Variants in KAZN observed in about 807,000 individuals in gnomAD.
KAZN encodes kazrin.
KAZN carries 40 observed loss-of-function variants against 87.4 expected under a neutral mutation model. The observed-to-expected ratio is 0.46, with a 90% CI of 0.36 to 0.60. KAZN has a LOEUF of 0.60. Among genes scored for constraint, KAZN ranks in the 20% least tolerant of loss-of-function variants. The pLI, the probability that KAZN is intolerant of heterozygous loss-of-function variation, is 0.00. For synonymous variants in KAZN, 466 were observed against 458.3 expected (o/e 1.02, Z -0.22); for missense variants, 898 against 1,073.9 (o/e 0.84, Z 2.29).
In KAZN at chr1:13,923,571, T is replaced by TCAA. The variant is rs1244132308; in HGVS notation, c.91+29816_91+29818dup. Among the ~76,000 whole-genome samples the TCAA allele has an allele frequency of 2.9e-4, 14 of 48,250 alleles. No homozygotes were observed. In the Admixed American group the frequency reaches 2.9e-3, roughly 10 times the overall value. The allele number at this position is 48,250 out of a possible 152,430, so 31.7% of individuals were successfully genotyped here. A position where few individuals can be genotyped will look rare whatever the true frequency, so the allele number is the denominator to read the frequency against. ...CTGGGTGACAGAGCGAGACTCCATC[T>TCAA]CAAAAAAAAAAAAAAAAAAAATATA... is the stretch of plus-strand genomic sequence containing the variant. On this transcript the variant is annotated intron_variant, in intron 1 of 16. Transcript: ENST00000636203.
intron 1 of KAZN, among the ~76,000 whole-genome samples, chr1:14,938,706 C>T (rs776888635): frequency 4.6e-5 from 7 of 152,130 alleles, no homozygotes; most frequent in Non-Finnish European, 1.0e-4. Context: ...CCGGGCTTTG[C>T]TCTCCCACTT....
chr1:14,617,785 A>T (rs1193988658), intron 1 of KAZN, among the ~76,000 whole-genome samples: 1 of 152,214 alleles, frequency 6.6e-6, no homozygotes, highest in Admixed American at 6.5e-5. Context: ...GCTAGTTAAA[A>T]TTGGAGTCTT....
intron 2 of KAZN, among the ~76,000 whole-genome samples, chr1:14,459,391 C>G (rs975484132): frequency 6.6e-6 from 1 of 151,542 alleles, no homozygotes; most frequent in African/African-American, 2.4e-5. Flanking sequence ...TAATGTGAGG[C>G]AGAAATTGTG....
At chr1:14,437,485 GCT>G (rs1428661629) in intron 2 of KAZN, among the ~76,000 whole-genome samples, 3 of 152,142 alleles carry the variant, frequency 2.0e-5, no homozygotes, top group East Asian at 1.9e-4. Flanking sequence ...CTTTGTTCTC[GCT>G]CTTTCTCACC....
intron 1 of KAZN, among the ~76,000 whole-genome samples, chr1:14,179,763 C>T (rs757590356): frequency 1.3e-5 from 2 of 152,088 alleles, no homozygotes; most frequent in Admixed American, 6.6e-5. Flanking sequence ...GGGGAGATGA[C>T]AGTAAGCAAA....
At chr1:14,454,489 C>T (rs1667456451) in intron 2 of KAZN, among the ~76,000 whole-genome samples, 1 of 152,206 alleles carries the variant, frequency 6.6e-6, no homozygotes, top group African/African-American at 2.4e-5. Context: ...AATTCCCCAC[C>T]TCTTCTGGAA....
At chr1:14,850,994 C>T (rs1649368090) in intron 1 of KAZN, among the ~76,000 whole-genome samples, 1 of 152,218 alleles carries the variant, frequency 6.6e-6, no homozygotes, top group South Asian at 2.1e-4. Flanking sequence ...CTCTGTCCTC[C>T]AGGCCCTGCA....
In KAZN at chr1:14,207,405, A is replaced by G. The variant is rs547483802; in HGVS notation, c.249+26813A>G. On this transcript the variant is annotated intron_variant, in intron 2 of 16. Coordinates refer to the KAZN transcript ENST00000636203. ...AACCCTTTTGCTGTAGTGATTCTGAATGTCCCCTCCCAACCCGAGCATCAT... is the reference window on the plus strand; with the variant it reads ...AACCCTTTTGCTGTAGTGATTCTGAGTGTCCCCTCCCAACCCGAGCATCAT... 1.2e-4 allele frequency among the ~76,000 whole-genome samples: 19 copies of G among 152,222 alleles called. 1 individual carries two copies. The South Asian group carries it at 3.7e-3, about 30-fold the overall frequency.
In KAZN at chr1:14,707,157, T is replaced by G. The variant is rs567445589; in HGVS notation, c.226+107934T>G. Among the ~76,000 whole-genome samples, 11 of 152,342 alleles carry G rather than the reference T, an allele frequency of 7.2e-5. No homozygotes were observed. The South Asian group carries it at 2.3e-3, about 32-fold the overall frequency. ...ATCAATGTGTAAAATGGATTTTCAG[T>G]ACAACTGAGGGTGCAAACTATGACG... On this transcript the variant is annotated intron_variant, in intron 1 of 14. Transcript: ENST00000376030.
At chr1:13,969,429 G>A (rs943075095) in intron 1 of KAZN, among the ~76,000 whole-genome samples, 1 of 152,198 alleles carries the variant, frequency 6.6e-6, no homozygotes, top group Non-Finnish European at 1.5e-5. Flanking sequence ...GCAGACTTTA[G>A]GATGATGCCT....
chr1:14,822,610 A>T (rs1479141691), intron 1 of KAZN, among the ~76,000 whole-genome samples: 1 of 152,204 alleles, frequency 6.6e-6, no homozygotes, highest in Non-Finnish European at 1.5e-5. Flanking sequence ...GTCTGTGCAC[A>T]AAACAGAAAA....
rs773982050 is a variant in KAZN at position 15,114,662 on chromosome 1, C to T, written c.*27C>T. On this transcript the variant is annotated 3_prime_UTR_variant, in exon 15 of 15. Transcript: ENST00000376030. ...GAACTGGTGGCTCCACCAGACCCAACGTGAGAGACCCAGGAAGGAAGAGAA... is the reference window on the plus strand; with the variant it reads ...GAACTGGTGGCTCCACCAGACCCAATGTGAGAGACCCAGGAAGGAAGAGAA... 24 of 1,558,886 alleles carry T rather than the reference C, an allele frequency of 1.5e-5. No individual in the cohort carries two copies. In the South Asian group the frequency reaches 2.0e-4, roughly 13 times the overall value.
At chr1:13,991,558 A>C (rs1009583994) in intron 1 of KAZN, among the ~76,000 whole-genome samples, 1 of 152,156 alleles carries the variant, frequency 6.6e-6, no homozygotes, top group African/African-American at 2.4e-5. Flanking sequence ...GGAGTGATGC[A>C]TTTTGAGTAT....
At chr1:14,757,721 G>A (rs1021612700) in intron 1 of KAZN, among the ~76,000 whole-genome samples, 1 of 152,154 alleles carries the variant, frequency 6.6e-6, no homozygotes, top group Non-Finnish European at 1.5e-5. Context: ...GATGTCATGT[G>A]GTGGGGAATC....
At chr1:14,777,164 T>G (rs374538845) in intron 1 of KAZN, among the ~76,000 whole-genome samples, 13,724 of 149,320 alleles carry the variant, frequency 0.092, 864 homozygotes, top group Admixed American at 0.22. Context: ...ATTTTTTTTT[T>G]TTTTTGTATT....
intron 11 of KAZN, 123 bp downstream of exon 11, chr1:15,101,897 C>A: frequency 1.5e-6 from 1 of 668,558 alleles, no homozygotes; most frequent in Non-Finnish European, 2.6e-6. Flanking sequence ...ATCCATCCAT[C>A]ATCCAGCCAT....
intron 11 of KAZN, 92 bp downstream of exon 11, chr1:15,101,866 C>T (rs890610205): frequency 2.2e-5 from 17 of 762,360 alleles, no homozygotes; most frequent in African/African-American, 8.6e-5. Context: ...ACCCACTACC[C>T]GTCTATCCAT....
At chr1:14,629,636 T>C (rs549036230) in intron 1 of KAZN, among the ~76,000 whole-genome samples, 30 of 152,314 alleles carry the variant, frequency 2.0e-4, no homozygotes, top group Non-Finnish European at 4.0e-4. Context: ...GCTCGTTGCT[T>C]CCTTGTTCAC....
chr1:14,869,838 T>C (rs1259604111), intron 1 of KAZN, among the ~76,000 whole-genome samples: 1 of 152,248 alleles, frequency 6.6e-6, no homozygotes, highest in Non-Finnish European at 1.5e-5. Flanking sequence ...ACAGACCTGC[T>C]GGAAAAATCC....
Sources: gnomAD v4.1 joint callset for allele counts (sites outside exome capture counted in the v4.1 genomes callset) on GRCh38, gnomAD v4.1.1 for gene constraint, MANE v1.5 for transcripts, NCBI Gene and HGNC (gene_info 2026-07-23, HGNC 2026-07-21) for gene names.